Variants in NUP160 observed in about 807,000 individuals in gnomAD.
The protein encoded by NUP160 is nuclear pore complex protein Nup160.
NUP160 carries 94 observed loss-of-function variants against 196.9 expected under a neutral mutation model. The observed-to-expected ratio is 0.48, with a 90% CI of 0.40 to 0.57. The LOEUF (loss-of-function observed/expected upper bound fraction) is 0.57. NUP160 is among the 20% of genes least tolerant of loss of function. The probability of loss-of-function intolerance (pLI) is 0.00; values close to 1 mark genes in which losing one functional copy is unlikely to be tolerated. For synonymous variants in NUP160, 605 were observed against 619.7 expected (o/e 0.98, Z 0.35); for missense variants, 1,638 against 1,748.3 (o/e 0.94, Z 1.13).
chr11:47,824,057 A>ACT (rs1851921060), intron 7 of NUP160, among the ~76,000 whole-genome samples: 1 of 142,660 alleles, frequency 7.0e-6, no homozygotes, highest in South Asian at 2.2e-4. Flanking sequence ...ATATATACAC[A>ACT]CACACATAGA....
At chr11:47,790,836 C>T (rs2097667500) in intron 29 of NUP160, among the ~76,000 whole-genome samples, 1 of 152,178 alleles carries the variant, frequency 6.6e-6, no homozygotes, top group Non-Finnish European at 1.5e-5. Flanking sequence ...TCTTCTGCTG[C>T]TCCTTGGTCA....
At chr11:47,802,512 TAAC>T (rs1276786800) in intron 22 of NUP160, among the ~76,000 whole-genome samples, 1 of 152,102 alleles carries the variant, frequency 6.6e-6, no homozygotes, top group African/African-American at 2.4e-5. Flanking sequence ...AGCAATATGT[TAAC>T]AATTGTAGAA....
chr11:47,835,711 A>T lies in NUP160; in HGVS notation c.1041T>A (p.Ala347=), dbSNP rs1565208356. The change falls in exon 7 of 36, where the codon GCT becomes GCA. Residue 347 remains alanine, a synonymous_variant. Transcript: ENST00000378460. ...GGTAGAGTCCCATGGTGGGGGAATA[A>T]GCAAGCCGTAATTTGTGTCCAGTTC... 3.1e-6 allele frequency: 5 copies of T among 1,606,216 alleles called. No individual in the cohort carries two copies. The South Asian group carries it at 5.6e-5, about 18-fold the overall frequency.
chr11:47,829,779 T>C (rs1306551704), intron 7 of NUP160, among the ~76,000 whole-genome samples: 2 of 152,130 alleles, frequency 1.3e-5, no homozygotes, highest in South Asian at 4.1e-4. Flanking sequence ...AAGACAACCA[T>C]AGGCAATACC....
At chr11:47,827,937 C>G (rs1186960894) in intron 7 of NUP160, among the ~76,000 whole-genome samples, 1 of 152,186 alleles carries the variant, frequency 6.6e-6, no homozygotes, top group Non-Finnish European at 1.5e-5. Context: ...GTGAGGCAAT[C>G]AGGAATACTG....
At chr11:47,828,265 A>C (rs1279924697) in intron 7 of NUP160, among the ~76,000 whole-genome samples, 3 of 152,060 alleles carry the variant, frequency 2.0e-5, no homozygotes, top group Non-Finnish European at 2.9e-5. Context: ...CAAAGTTGCA[A>C]GATACAATTA....
At chr11:47,791,492 A>G (rs2097667873) in intron 29 of NUP160, among the ~76,000 whole-genome samples, 1 of 152,150 alleles carries the variant, frequency 6.6e-6, no homozygotes, top group Admixed American at 6.6e-5. Flanking sequence ...GGTGAGGGCC[A>G]CTACTGCCCA....
intron 29 of NUP160, among the ~76,000 whole-genome samples, chr11:47,789,489 G>A (rs2097666687): frequency 6.6e-6 from 1 of 151,986 alleles, no homozygotes; most frequent in Non-Finnish European, 1.5e-5. Context: ...AAAAAAGCTT[G>A]GAACTAAGCT....
At chr11:47,796,457 A>G (rs1214132455) in intron 27 of NUP160, 1 of 296,974 alleles carries the variant, frequency 3.4e-6, no homozygotes, top group Non-Finnish European at 6.2e-6. Context: ...TTCCTCCCAG[A>G]AGGACCAGCA....
chr11:47,834,102 T>C (rs759120941), intron 7 of NUP160, among the ~76,000 whole-genome samples: 6 of 152,198 alleles, frequency 3.9e-5, no homozygotes, highest in Non-Finnish European at 5.9e-5. Flanking sequence ...TACTGCATAA[T>C]ATAAAATGTG....
chr11:47,804,389 G>A (rs2097676235), intron 21 of NUP160, 160 bp downstream of exon 21: 1 of 564,426 alleles, frequency 1.8e-6, no homozygotes, highest in African/African-American at 2.0e-5. Context: ...GTTCAGGATG[G>A]TATAGAAATA....
At chr11:47,824,316 T>C (rs1475650834) in intron 7 of NUP160, among the ~76,000 whole-genome samples, 1 of 151,622 alleles carries the variant, frequency 6.6e-6, no homozygotes, top group African/African-American at 2.4e-5. Flanking sequence ...TAAAAAAAAT[T>C]ATTTGTTGGC....
chr11:47,837,767 CAT>C, intron 4 of NUP160, 144 bp from the exon 5 acceptor site: 1 of 589,842 alleles, frequency 1.7e-6, no homozygotes, highest in South Asian at 2.2e-5. Flanking sequence ...AACTTTCCTG[CAT>C]ATATCACACC....
chr11:47,797,370 C>A (rs1033228778), intron 27 of NUP160, among the ~76,000 whole-genome samples: 21 of 152,098 alleles, frequency 1.4e-4, no homozygotes, highest in Admixed American at 6.6e-5. Context: ...TCCTGAGTAG[C>A]TGGGATTACA....
intron 19 of NUP160, chr11:47,806,547 A>T: frequency 2.4e-6 from 1 of 418,762 alleles, no homozygotes; most frequent in African/African-American, 2.0e-5. Flanking sequence ...ATTTCTTTTC[A>T]CTGATCTCAC....
chr11:47,784,839 G>T, intron 33 of NUP160, 83 bp downstream of exon 33: 1 of 1,074,076 alleles, frequency 9.3e-7, no homozygotes, highest in Non-Finnish European at 1.3e-6. Flanking sequence ...ACTGCAATCA[G>T]TCCATATTTT....
intron 11 of NUP160, among the ~76,000 whole-genome samples, chr11:47,816,297 C>G (rs2097684418): frequency 6.6e-6 from 1 of 152,112 alleles, no homozygotes; most frequent in African/African-American, 2.4e-5. Flanking sequence ...ATAACTCCCA[C>G]AAGAGGTAGT....
At chr11:47,788,115 T>A in intron 31 of NUP160, 67 bp downstream of exon 31, 12 of 1,390,204 alleles carry the variant, frequency 8.6e-6, no homozygotes, top group Non-Finnish European at 1.1e-5. Flanking sequence ...GACGACTGTT[T>A]CACACTGAGC....
chr11:47,810,705 C>A (rs2097680602), intron 17 of NUP160, among the ~76,000 whole-genome samples: 1 of 152,012 alleles, frequency 6.6e-6, no homozygotes, highest in Admixed American at 6.6e-5. Context: ...TGCCACCAGA[C>A]CCCGCTAACT....
Sources: gnomAD v4.1 joint callset for allele counts (sites outside exome capture counted in the v4.1 genomes callset) on GRCh38, gnomAD v4.1.1 for gene constraint, MANE v1.5 for transcripts, NCBI Gene and HGNC (gene_info 2026-07-23, HGNC 2026-07-21) for gene names.